The following FGF12 variants were observed in gnomAD, a reference collection of about 807,000 sequenced individuals.
FGF12 encodes the protein fibroblast growth factor 12.
A neutral mutation model predicts 23.6 loss-of-function variants in FGF12; 14 were observed. That is an observed-to-expected ratio of 0.59 (90% CI 0.39 to 0.93). The LOEUF (loss-of-function observed/expected upper bound fraction) is 0.93, where lower values mean the gene tolerates loss of function less well. FGF12 is among the 40% of genes least tolerant of loss of function. The pLI is 0.00. For synonymous variants in FGF12, 62 were observed against 77.3 expected (o/e 0.80, Z 1.04); for missense variants, 175 against 217.8 (o/e 0.80, Z 1.24).
At chr3:192,518,902 C>A (rs1401752361) in intron 2 of FGF12, among the ~76,000 whole-genome samples, 1 of 151,292 alleles carries the variant, frequency 6.6e-6, no homozygotes, top group Non-Finnish European at 1.5e-5. Context: ...TGTTCCTCTT[C>A]TTCCTCCTTC....
At chr3:192,567,750 TTTC>T (rs1712377092) in intron 2 of FGF12, among the ~76,000 whole-genome samples, 1 of 122,876 alleles carries the variant, frequency 8.1e-6, no homozygotes, top group Non-Finnish European at 1.8e-5. Flanking sequence ...TCTTTCTTTC[TTTC>T]TTTCTTTCTT....
At chr3:192,326,122 G>T (rs1046095465) in intron 4 of FGF12, among the ~76,000 whole-genome samples, 7 of 152,124 alleles carry the variant, frequency 4.6e-5, no homozygotes, top group African/African-American at 1.7e-4. Flanking sequence ...TGCCATGAGA[G>T]ATATTAATCT....
intron 4 of FGF12, among the ~76,000 whole-genome samples, chr3:192,212,786 T>TGGGGG (rs35232167): frequency 7.1e-6 from 1 of 141,408 alleles, no homozygotes; most frequent in African/African-American, 2.6e-5. Context: ...TTCACAAAAA[T>TGGGGG]GGGGGGGGGG....
intron 4 of FGF12, among the ~76,000 whole-genome samples, chr3:192,263,712 G>C (rs1159279337): frequency 6.6e-6 from 1 of 151,816 alleles, no homozygotes; most frequent in Non-Finnish European, 1.5e-5. Context: ...TGGCTATGCT[G>C]GAATTTTCTG....
At chr3:192,702,750 C>T (rs1487436674) in intron 2 of FGF12, among the ~76,000 whole-genome samples, 2 of 152,192 alleles carry the variant, frequency 1.3e-5, no homozygotes, top group African/African-American at 4.8e-5. Flanking sequence ...TGAGACTGCA[C>T]CACTGCACTC....
Position 192,624,886 on chromosome 3 carries a change from C to T in FGF12, c.13+102295G>A, listed in dbSNP as rs148284929. 1.7e-3 allele frequency among the ~76,000 whole-genome samples: 265 copies of T among 152,178 alleles called. 1 individual carries two copies. Among genetic ancestry groups the T allele is most frequent in the African/African-American group, 6.0e-3 (250 of 41,544 alleles). ...CCCTTCCATAGAGCAGCCATTTTGT[C>T]ATGTTTTACTGCATTCTTCCAGAGA... On this transcript the variant is annotated intron_variant, in intron 2 of 5. Coordinates refer to ENST00000445105, the MANE Select transcript of FGF12 (RefSeq NM_004113.6).
intron 2 of FGF12, among the ~76,000 whole-genome samples, chr3:192,429,981 T>C (rs1721813189): frequency 1.3e-5 from 2 of 152,218 alleles, no homozygotes; most frequent in African/African-American, 2.4e-5. Flanking sequence ...GTTGCCACTA[T>C]TCTATTTTAG....
chr3:192,723,441 C>A (rs2108748510), intron 2 of FGF12, among the ~76,000 whole-genome samples: 1 of 152,224 alleles, frequency 6.6e-6, no homozygotes, highest in East Asian at 1.9e-4. Context: ...TCCCTGAGAT[C>A]TACACCAGTG....
chr3:192,139,846 A>G lies in FGF12; in HGVS notation c.*4163T>C, dbSNP rs1342297442. The G allele has an allele frequency of 6.6e-6, 1 of 152,120 alleles. No homozygotes were observed. The highest frequency in any genetic ancestry group is 2.4e-5 in the African/African-American group (1 of 41,452). 9.4% of individuals were successfully genotyped at this position (152,120 alleles called of 1,614,324 possible). The stretch of plus-strand genomic sequence containing the variant: ...GGAAAAATCCTGAAAAAGAAAGATC[A>G]GCATCTAGCATCCTTTTCCTATTCT... On this transcript the variant is annotated 3_prime_UTR_variant, in exon 6 of 6. Coordinates refer to ENST00000445105, the MANE Select transcript of FGF12 (RefSeq NM_004113.6).
chr3:192,197,309 G>T (rs563703421), intron 4 of FGF12, among the ~76,000 whole-genome samples: 5 of 152,150 alleles, frequency 3.3e-5, no homozygotes, highest in African/African-American at 1.2e-4. Context: ...AACACGTATC[G>T]TGTGTCCTTC....
chr3:192,302,545 G>T (rs937080326), intron 4 of FGF12, among the ~76,000 whole-genome samples: 1 of 152,166 alleles, frequency 6.6e-6, no homozygotes, highest in African/African-American at 2.4e-5. Context: ...TTAAGGAGGG[G>T]TGTTTACTAA....
chr3:192,494,674 A>G (rs1018112418), intron 2 of FGF12, among the ~76,000 whole-genome samples: 1 of 152,148 alleles, frequency 6.6e-6, no homozygotes, highest in South Asian at 2.1e-4. Flanking sequence ...ATGGAATACA[A>G]TGGTACAACC....
At chr3:192,263,770 C>G (rs1328606449) in intron 4 of FGF12, among the ~76,000 whole-genome samples, 2 of 152,012 alleles carry the variant, frequency 1.3e-5, no homozygotes, top group Non-Finnish European at 2.9e-5. Context: ...AAATAAACTT[C>G]TAATACCATA....
intron 2 of FGF12, among the ~76,000 whole-genome samples, chr3:192,688,483 T>G (rs1717838221): frequency 6.6e-6 from 1 of 152,198 alleles, no homozygotes; most frequent in Non-Finnish European, 1.5e-5. Flanking sequence ...TTATGAAGAA[T>G]CAGAGGAATA....
intron 5 of FGF12, among the ~76,000 whole-genome samples, chr3:192,158,655 C>CCCTTCCTTCTTTCCTT (rs1553844334): frequency 2.2e-4 from 6 of 27,102 alleles, no homozygotes; most frequent in African/African-American, 1.2e-3. Flanking sequence ...CTCCCTCCCT[C>CCCTTCCTTCTTTCCTT]CCTTCCTTCC....
At chr3:192,327,342 A>G (rs1716870797) in intron 4 of FGF12, among the ~76,000 whole-genome samples, 1 of 152,142 alleles carries the variant, frequency 6.6e-6, no homozygotes, top group African/African-American at 2.4e-5. Context: ...TAGAATATAG[A>G]CTGACTAAAA....
intron 4 of FGF12, among the ~76,000 whole-genome samples, chr3:192,326,819 C>T (rs1716844904): frequency 2.0e-5 from 3 of 152,122 alleles, no homozygotes; most frequent in Admixed American, 6.5e-5. Flanking sequence ...CTAGAAGTTG[C>T]TTTTTCTTAA....
At chr3:192,375,329 A>T (rs994566906) in intron 2 of FGF12, among the ~76,000 whole-genome samples, 1 of 152,018 alleles carries the variant, frequency 6.6e-6, no homozygotes. Flanking sequence ...TGTTCCTTCA[A>T]TTAGATTGAT....
intron 3 of FGF12, 119 bp from the exon 4 acceptor site, chr3:192,335,583 G>C (rs1456529908): frequency 3.0e-6 from 2 of 657,242 alleles, no homozygotes; most frequent in East Asian, 5.5e-5. Context: ...AAAATGGAGA[G>C]AGAAATAAAG....
Sources: allele counts gnomAD v4.1 joint callset (sites outside exome capture counted in the v4.1 genomes callset), GRCh38; gene constraint gnomAD v4.1.1; transcripts MANE v1.5; gene names NCBI Gene and HGNC (gene_info 2026-07-23, HGNC 2026-07-21).